PDIA2: variants seen among roughly 807,000 people sequenced by gnomAD.
The protein encoded by PDIA2 is protein disulfide isomerase family A member 2.
Under a neutral mutation model 51.1 loss-of-function variants are expected in PDIA2, and 76 were observed. That is an observed-to-expected ratio of 1.49 (90% CI 1.24 to 1.80). The LOEUF is 1.80. Ranked by LOEUF, PDIA2 falls within the 40% of genes most tolerant of loss-of-function variation. The probability of loss-of-function intolerance (pLI) is 0.00; values close to 1 mark genes in which losing one functional copy is unlikely to be tolerated. For missense variants in PDIA2, 946 were observed against 706.5 expected (o/e 1.34, Z -3.84); for synonymous variants, 429 against 309.9 (o/e 1.38, Z -4.04).
Position 284,795 on chromosome 16 carries a change from G to A in PDIA2, c.540+3G>A, listed in dbSNP as rs978475657. On this transcript the variant is annotated splice_donor_region_variant and intron_variant, in intron 3 of 10. Coordinates refer to ENST00000219406, the MANE Select transcript of PDIA2 (RefSeq NM_006849.4). Reference sequence around the variant, plus strand: ...TAGTGGTCATTGGCTTCTTCCAGGTGAGCCACTGGGCATGGGGGGCCGGGC... The same window carrying A: ...TAGTGGTCATTGGCTTCTTCCAGGTAAGCCACTGGGCATGGGGGGCCGGGC... 10 of 1,576,960 alleles carry A rather than the reference G, an allele frequency of 6.3e-6. No individual in the cohort carries two copies. The Admixed American group carries it at 1.2e-4, about 19-fold the overall frequency.
chr16:286,774 C>T (rs1443475946), intron 9 of PDIA2, 39 bp downstream of exon 9: 1 of 1,612,350 alleles, frequency 6.2e-7, no homozygotes, highest in South Asian at 1.1e-5. Context: ...GCCGGGGTGC[C>T]ATCTTGCTGG....
intron 7 of PDIA2, 82 bp downstream of exon 7, chr16:285,785 C>T: frequency 6.9e-7 from 1 of 1,454,854 alleles, no homozygotes; most frequent in South Asian, 1.2e-5. Flanking sequence ...CAGCAGCTCT[C>T]AGAGCCCCCT....
rs752388724 is a variant in PDIA2 at position 286,955 on chromosome 16, C to G, written c.1533+10C>G. 2 of 1,603,158 alleles carry G rather than the reference C, an allele frequency of 1.2e-6. No individual in the cohort carries two copies. Among genetic ancestry groups the G allele is most frequent in the Non-Finnish European group, 1.7e-6 (2 of 1,175,842 alleles). On this transcript the variant is annotated intron_variant, in intron 10 of 10. Coordinates refer to ENST00000219406, the MANE Select transcript of PDIA2 (RefSeq NM_006849.4). ...AGCAGCCCCGTTCCCGGTGGGTGTC[C>G]CTAAGCCAGGGCTCCAGGCCTCTGC...
At chr16:286,808 C>T (rs773308182) in intron 9 of PDIA2, 27 bp from the exon 10 acceptor site, 7 of 1,611,098 alleles carry the variant, frequency 4.3e-6, no homozygotes, top group Admixed American at 1.7e-5. Flanking sequence ...CCCCACGTGT[C>T]CTCCAGATCC....
intron 1 of PDIA2, 128 bp from the exon 2 acceptor site, chr16:284,259 C>A (rs978227624): frequency 2.1e-6 from 2 of 961,400 alleles, no homozygotes; most frequent in Admixed American, 2.1e-5. Flanking sequence ...CACTGGTGCT[C>A]GGCTTGTCCA....
chr16:285,955 CCCCGCGGTTCTCCCAA>C (rs2052361385), intron 7 of PDIA2, among the ~76,000 whole-genome samples: 2 of 70,552 alleles, frequency 2.8e-5, no homozygotes, highest in South Asian at 4.9e-4. Flanking sequence ...CCAACCCCAA[CCCCGCGGTTCTCCCAA>C]CCCCGCGGTT....
In PDIA2 at chr16:284,484, G is replaced by A. The variant is rs1351097761; in HGVS notation, c.297G>A (p.Lys99=). 3 of 1,609,166 alleles carry A rather than the reference G, an allele frequency of 1.9e-6. No homozygotes were observed. Among genetic ancestry groups the A allele is most frequent in the East Asian group, 2.2e-5 (1 of 44,722 alleles). ...AGTCAATGGTGGTCACGCTGGCCAAGGTGGATGGGCCCGCGCAGCGCGAGC... is the reference window on the plus strand; with the variant it reads ...AGTCAATGGTGGTCACGCTGGCCAAAGTGGATGGGCCCGCGCAGCGCGAGC... ...AAESMVVTLA[K]VDGPAQRELA... Residue 99 remains lysine (K), a synonymous_variant, in exon 2 of 11, where the codon AAG becomes AAA. Transcript: ENST00000219406.
Position 284,461 on chromosome 16 carries a change from T to C in PDIA2, c.274T>C (p.Ser92Pro), listed in dbSNP as rs767047256. 2.5e-6 allele frequency: 4 copies of C among 1,603,302 alleles called. No individual in the cohort carries two copies. Among genetic ancestry groups the C allele is most frequent in the Non-Finnish European group, 3.4e-6 (4 of 1,176,204 alleles). ...GGCAGCTGCCGTGCTCGCGGCCGAGTCAATGGTGGTCACGCTGGCCAAGGT... is the reference window on the plus strand; with the variant it reads ...GGCAGCTGCCGTGCTCGCGGCCGAGCCAATGGTGGTCACGCTGGCCAAGGT... ...SKAAAVLAAE[S>P]MVVTLAKVDG... is the part of the protein sequence containing the mutation. Residue 92 changes from serine to proline, a missense_variant, in exon 2 of 11, where the codon TCA becomes CCA. Ser to Pro is a moderately conservative substitution (Grantham distance 74). Coordinates refer to ENST00000219406, the MANE Select transcript of PDIA2 (RefSeq NM_006849.4).
At position 283,191 on chromosome 16, in the gene PDIA2, G is replaced by A. The variant is rs764795732; in HGVS notation, c.22G>A (p.Val8Ile). MSRQLLP[V>I]LLLLLLRASC... ...CACCATGAGCCGCCAGCTTCTGCCT[G>A]TACTGCTGCTGCTGCTGCTCAGGGC... The change falls in exon 1 of 11, where the codon GTA becomes ATA. Residue 8 changes from valine (V) to isoleucine (I), a missense_variant. Val to Ile is a conservative substitution (Grantham distance 29). Coordinates refer to ENST00000219406, the MANE Select transcript of PDIA2 (RefSeq NM_006849.4). The A allele has an allele frequency of 6.3e-7, 1 of 1,591,464 alleles. No homozygotes were observed. Among genetic ancestry groups the A allele is most frequent in the African/African-American group, 1.3e-5 (1 of 74,346 alleles).
At position 285,551 on chromosome 16, in the gene PDIA2, C is replaced by A. The variant is rs763986879; in HGVS notation, c.967C>A (p.Leu323Met). The stretch of plus-strand genomic sequence containing the variant: ...CGTGGCGGCCGACAATGAGCACGTG[C>A]TGCAGTACTTTGGACTCAAGGCTGA... ...VDVAADNEHV[L>M]QYFGLKAEAA... The change falls in exon 7 of 11, where the codon CTG becomes ATG. Residue 323 changes from leucine (L) to methionine (M), a missense_variant. Physicochemically the swap from Leu to Met is conservative, Grantham distance 15. Coordinates refer to ENST00000219406, the MANE Select transcript of PDIA2 (RefSeq NM_006849.4). 1 of 1,613,128 alleles carries A rather than the reference C, an allele frequency of 6.2e-7. No homozygotes were observed. The highest frequency in any genetic ancestry group is 1.7e-5 in the Admixed American group (1 of 60,012).
rs371876133 is a variant in PDIA2, at chr16:284,622, C to T, written c.406+29C>T. 1,863 of 1,606,284 alleles carry T rather than the reference C, an allele frequency of 1.2e-3. 1 individual carries two copies. Among genetic ancestry groups the T allele is most frequent in the Non-Finnish European group, 1.4e-3 (1,674 of 1,178,598 alleles). On this transcript the variant is annotated intron_variant, in intron 2 of 10. Coordinates refer to ENST00000219406, the MANE Select transcript of PDIA2 (RefSeq NM_006849.4). ...AGGGGCAGGCCGGTCATTGGGGGGG[C>T]GGTGGCCAGGCCGAGGCTGAGGGGG...
At chr16:285,976 G>C (rs1380094356) in intron 7 of PDIA2, among the ~76,000 whole-genome samples, 1 of 8,216 alleles carries the variant, frequency 1.2e-4, no homozygotes, top group African/African-American at 5.3e-4. Flanking sequence ...TCCCAACCCC[G>C]CGGTTCTCCC....
chr16:283,400 G>A (rs750798053), intron 1 of PDIA2, 32 bp downstream of exon 1: 37 of 1,538,312 alleles, frequency 2.4e-5, no homozygotes, highest in Non-Finnish European at 3.0e-5. Context: ...GCTGGGGACC[G>A]GCGGGGGACC....
Position 283,481 on chromosome 16 carries a change from G to A in PDIA2, c.199+113G>A, listed in dbSNP as rs189420539. On this transcript the variant is annotated intron_variant, in intron 1 of 10. Transcript: ENST00000219406. ...GCATGTGCCCAAGAGGGGCCTCCCC[G>A]CAGGCACTTGCCCCCACTGTGCCCA... 3.2e-3 allele frequency: 3,632 copies of A among 1,143,030 alleles called. 34 individuals carry two copies. In the East Asian group the frequency reaches 0.034, roughly 11 times the overall value. 70.8% of individuals were successfully genotyped at this position (1,143,030 alleles called of 1,614,324 possible).
intron 7 of PDIA2, 115 bp downstream of exon 7, chr16:285,818 C>A (rs1448444131): frequency 8.6e-7 from 1 of 1,162,292 alleles, no homozygotes; most frequent in Non-Finnish European, 1.2e-6. Context: ...CCCGCAGAGG[C>A]CCCCCTCAAC....
chr16:284,758 G>T lies in PDIA2; in HGVS notation c.506G>T (p.Gly169Val). The change falls in exon 3 of 11, where the codon GGT becomes GTT. Residue 169 changes from glycine to valine, a missense_variant. Coordinates refer to ENST00000219406, the MANE Select transcript of PDIA2 (RefSeq NM_006849.4). Reference sequence around the variant, plus strand: ...GAGGCGGCCGCCCAGGCGCTGATCGGTGGCCGGGACCTAGTGGTCATTGGC... The same window carrying T: ...GAGGCGGCCGCCCAGGCGCTGATCGTTGGCCGGGACCTAGTGGTCATTGGC... ...EDEAAAQALI[G>V]GRDLVVIGFF... is the part of the protein sequence containing the mutation. The T allele has an allele frequency of 1.9e-6, 3 of 1,563,870 alleles. No homozygotes were observed. Among genetic ancestry groups the T allele is most frequent in the Non-Finnish European group, 2.6e-6 (3 of 1,159,790 alleles).
chr16:284,750 G>A lies in PDIA2; in HGVS notation c.498G>A (p.Ala166=), dbSNP rs532034468. The change falls in exon 3 of 11, where the codon GCG becomes GCA. Residue 166 remains alanine (A), a synonymous_variant. Transcript: ENST00000219406. ...TGGAGGACGAGGCGGCCGCCCAGGC[G>A]CTGATCGGTGGCCGGGACCTAGTGG... ...MRLEDEAAAQ[A]LIGGRDLVVI... is the part of the protein sequence containing the mutation. The A allele has an allele frequency of 1.3e-5, 21 of 1,563,480 alleles. No individual in the cohort carries two copies. The East Asian group carries it at 2.0e-4, about 15-fold the overall frequency.
Position 287,208 on chromosome 16 carries a change from G to A in PDIA2, c.*95G>A. On this transcript the variant is annotated 3_prime_UTR_variant, in exon 11 of 11. Transcript: ENST00000219406. ...GCATTGTGAATAAAGAGTGAGCTTG[G>A]TTCTGGACTCTGTGTGCCTGGTCCC... 4.0e-6 allele frequency: 6 copies of A among 1,509,084 alleles called. No homozygotes were observed. Among genetic ancestry groups the A allele is most frequent in the East Asian group, 2.3e-5 (1 of 44,178 alleles). 93.5% of individuals were successfully genotyped at this position (1,509,084 alleles called of 1,614,324 possible). A position where few individuals can be genotyped will look rare whatever the true frequency, so the allele number is the denominator to read the frequency against.
Position 284,891 on chromosome 16 carries a change from AGGACGTGGCCACCTTCTTGGCCTTGGCCC to A in PDIA2, c.555_583del (p.Asp186GlyfsTer33). On this transcript the variant is annotated frameshift_variant, in exon 4 of 11. Transcript: ENST00000219406. LOFTEE classifies it high-confidence loss of function. ...CAGGCCCCTCAGGACCTGCAGGACG[AGGACGTGGCCACCTTCTTGGCCTTGGCCC>A]AGGACGCCCTGGACATGACCTTTGG... 6.2e-7 allele frequency: 1 copy of A among 1,612,666 alleles called. No homozygotes were observed. Among genetic ancestry groups the A allele is most frequent in the Non-Finnish European group, 8.5e-7 (1 of 1,179,662 alleles).
Sources: gnomAD v4.1 joint callset for allele counts (sites outside exome capture counted in the v4.1 genomes callset) on GRCh38, gnomAD v4.1.1 for gene constraint, MANE v1.5 for transcripts, NCBI Gene and HGNC (gene_info 2026-07-23, HGNC 2026-07-21) for gene names.